Variants in ERC2 observed in about 807,000 individuals in gnomAD.
The protein encoded by ERC2 is ERC protein 2.
A neutral mutation model predicts 114.8 loss-of-function variants in ERC2; 42 were observed. The ratio of observed to expected loss-of-function variants is 0.37; its 90% confidence interval spans 0.29 to 0.47. ERC2 has a LOEUF of 0.47. Among genes scored for constraint, ERC2 ranks in the 20% least tolerant of loss-of-function variants. The probability of loss-of-function intolerance (pLI) is 0.99; values close to 1 mark genes in which losing one functional copy is unlikely to be tolerated. For synonymous variants in ERC2, 454 were observed against 425.5 expected (o/e 1.07, Z -0.82); for missense variants, 939 against 1,150.7 (o/e 0.82, Z 2.66).
At chr3:56,028,222 T>C (rs1217301256) in intron 7 of ERC2, among the ~76,000 whole-genome samples, 1 of 152,160 alleles carries the variant, frequency 6.6e-6, no homozygotes, top group Non-Finnish European at 1.5e-5. Context: ...AGGCTTAATA[T>C]TAGTAGAGTG....
At chr3:55,565,035 G>T (rs2056276563) in intron 17 of ERC2, among the ~76,000 whole-genome samples, 1 of 152,204 alleles carries the variant, frequency 6.6e-6, no homozygotes, top group South Asian at 2.1e-4. Context: ...GTGGGCTGCA[G>T]GCCATAGTTT....
chr3:55,554,844 T>C (rs1355287891), intron 17 of ERC2, among the ~76,000 whole-genome samples: 2 of 151,836 alleles, frequency 1.3e-5, no homozygotes. Context: ...CTGGCAAATA[T>C]CTCTCTTCCC....
chr3:56,434,337 G>T lies in ERC2; in HGVS notation c.657+14C>A. On this transcript the variant is annotated intron_variant, in intron 2 of 17. Transcript: ENST00000288221. ...AGCCAAGGCTGAAAAATACTGAGAT[G>T]AGTCATGACCTACCTGATTTTCTTC... 6.2e-7 allele frequency: 1 copy of T among 1,607,270 alleles called. No individual in the cohort carries two copies. The highest frequency in any genetic ancestry group is 1.1e-5 in the South Asian group (1 of 90,522).
At chr3:56,041,154 A>G (rs1282672723) in intron 7 of ERC2, among the ~76,000 whole-genome samples, 1 of 151,772 alleles carries the variant, frequency 6.6e-6, no homozygotes, top group Non-Finnish European at 1.5e-5. Flanking sequence ...ATGACAGGTG[A>G]TTTTCTATTG....
At chr3:55,544,605 A>G (rs1443000288) in intron 17 of ERC2, among the ~76,000 whole-genome samples, 1 of 152,176 alleles carries the variant, frequency 6.6e-6, no homozygotes, top group Non-Finnish European at 1.5e-5. Context: ...CTGAATTCTG[A>G]GTTGTTTGCC....
At chr3:55,641,683 T>C (rs988430756) in intron 17 of ERC2, among the ~76,000 whole-genome samples, 1 of 152,090 alleles carries the variant, frequency 6.6e-6, no homozygotes, top group African/African-American at 2.4e-5. Context: ...TAGGTTCCTA[T>C]TTCTTGCAGC....
intron 3 of ERC2, among the ~76,000 whole-genome samples, chr3:56,215,890 A>G (rs529862113): frequency 6.6e-6 from 1 of 152,360 alleles, no homozygotes; most frequent in East Asian, 1.9e-4. Context: ...CTCCTGAATG[A>G]CTACTCGGTA....
intron 17 of ERC2, among the ~76,000 whole-genome samples, chr3:55,605,197 C>G (rs2058591209): frequency 6.6e-6 from 1 of 151,948 alleles, no homozygotes; most frequent in Admixed American, 6.5e-5. Context: ...CTCAGTGCAG[C>G]CTTGAACTTC....
intron 12 of ERC2, among the ~76,000 whole-genome samples, chr3:55,965,168 G>A (rs1312422036): frequency 6.6e-6 from 1 of 152,140 alleles, no homozygotes; most frequent in Non-Finnish European, 1.5e-5. Context: ...AATTATACAA[G>A]GGTGTGAAAA....
intron 17 of ERC2, among the ~76,000 whole-genome samples, chr3:55,673,735 C>G (rs560904650): frequency 1.3e-5 from 2 of 151,984 alleles, no homozygotes; most frequent in East Asian, 3.9e-4. Flanking sequence ...CAGCCAGAGT[C>G]CCACACACTG....
intron 17 of ERC2, among the ~76,000 whole-genome samples, chr3:55,673,806 T>G (rs1359783239): frequency 6.0e-3 from 3 of 502 alleles, no homozygotes; most frequent in Admixed American, 0.091. Flanking sequence ...ATTACCAAGT[T>G]TTTTTTTTTT....
chr3:55,716,030 G>T (rs972221022), intron 15 of ERC2, among the ~76,000 whole-genome samples: 1 of 152,158 alleles, frequency 6.6e-6, no homozygotes, highest in African/African-American at 2.4e-5. Flanking sequence ...AAGCTTTCAT[G>T]AGCAGAATGA....
chr3:55,592,748 C>T (rs2057952874), intron 17 of ERC2, among the ~76,000 whole-genome samples: 1 of 152,132 alleles, frequency 6.6e-6, no homozygotes, highest in Non-Finnish European at 1.5e-5. Flanking sequence ...CGTGTAGACA[C>T]CTACGTAGTT....
rs985197548 is a variant in ERC2 at position 56,198,915 on chromosome 3, C to T, written c.1075-25395G>A. ...CCAGCCCACTGTACCACAGAAGTGG[C>T]GAATAGGAATGAGCTTAGATGCCCA... On this transcript the variant is annotated intron_variant, in intron 3 of 17. Transcript: ENST00000288221. Among the ~76,000 whole-genome samples, 21 of 152,272 alleles carry T rather than the reference C, an allele frequency of 1.4e-4. No individual in the cohort carries two copies. The East Asian group carries it at 2.7e-3, about 20-fold the overall frequency.
intron 2 of ERC2, among the ~76,000 whole-genome samples, chr3:56,314,125 T>G (rs994465498): frequency 6.6e-5 from 10 of 152,154 alleles, no homozygotes; most frequent in African/African-American, 9.7e-5. Flanking sequence ...GACTATGACA[T>G]CAGACAGTCT....
chr3:55,542,891 C>T (rs776469623), intron 17 of ERC2, among the ~76,000 whole-genome samples: 26 of 152,194 alleles, frequency 1.7e-4, no homozygotes, highest in Non-Finnish European at 3.5e-4. Context: ...CTTTCTATTT[C>T]CACCCAGAAA....
intron 17 of ERC2, among the ~76,000 whole-genome samples, chr3:55,553,742 T>C (rs1451268182): frequency 1.3e-5 from 2 of 151,906 alleles, no homozygotes; most frequent in East Asian, 3.9e-4. Context: ...ATCGCGCCAC[T>C]GCTCTCCAGC....
intron 14 of ERC2, among the ~76,000 whole-genome samples, chr3:55,776,140 T>TTG (rs1559636580): frequency 7.2e-5 from 11 of 151,784 alleles, no homozygotes; most frequent in South Asian, 2.1e-4. Flanking sequence ...TAGAATGTTA[T>TTG]TTGTTGTTGT....
At chr3:56,274,418 C>T (rs1348231140) in intron 3 of ERC2, among the ~76,000 whole-genome samples, 1 of 152,160 alleles carries the variant, frequency 6.6e-6, no homozygotes, top group East Asian at 1.9e-4. Context: ...AAAATCCACA[C>T]ACACTCAAGT....
Sources: gnomAD v4.1 joint callset for allele counts (sites outside exome capture counted in the v4.1 genomes callset) on GRCh38, gnomAD v4.1.1 for gene constraint, MANE v1.5 for transcripts, NCBI Gene and HGNC (gene_info 2026-07-23, HGNC 2026-07-21) for gene names.